Variants in SUSD1 observed in about 807,000 individuals in gnomAD.
SUSD1 encodes the protein sushi domain containing 1.
Under a neutral mutation model 86.9 loss-of-function variants are expected in SUSD1, and 65 were observed. The observed-to-expected ratio is 0.75, with a 90% CI of 0.61 to 0.92. The LOEUF (loss-of-function observed/expected upper bound fraction) is 0.92, where lower values mean the gene tolerates loss of function less well. Among genes scored for constraint, SUSD1 ranks in the 40% least tolerant of loss-of-function variants. The pLI, the probability that SUSD1 is intolerant of heterozygous loss-of-function variation, is 0.00. For missense variants in SUSD1, 850 were observed against 929.7 expected (o/e 0.91, Z 1.11); for synonymous variants, 346 against 350.0 (o/e 0.99, Z 0.13).
chr9:112,049,639 G>A (rs956543769), intron 15 of SUSD1, among the ~76,000 whole-genome samples: 1 of 152,196 alleles, frequency 6.6e-6, no homozygotes, highest in Non-Finnish European at 1.5e-5. Flanking sequence ...CACGATTTCA[G>A]GACTAATTTA....
chr9:112,168,315 G>A (rs566924851), intron 1 of SUSD1, among the ~76,000 whole-genome samples: 6 of 152,302 alleles, frequency 3.9e-5, no homozygotes, highest in African/African-American at 1.4e-4. Context: ...GCATTCAGGT[G>A]TCTACCCATT....
chr9:112,138,666 T>A (rs1224662756), intron 5 of SUSD1, among the ~76,000 whole-genome samples: 1 of 152,108 alleles, frequency 6.6e-6, no homozygotes, highest in Admixed American at 6.6e-5. Context: ...GCTAGGCTGG[T>A]CTCGAACTCC....
intron 10 of SUSD1, among the ~76,000 whole-genome samples, chr9:112,085,551 C>T (rs1329654034): frequency 6.6e-6 from 1 of 152,172 alleles, no homozygotes; most frequent in African/African-American, 2.4e-5. Flanking sequence ...CATCTGACTC[C>T]AGAGGAACTG....
rs1208497274 is a variant in SUSD1, at chr9:112,143,557, C to T, written c.440G>A (p.Ser147Asn). The change falls in exon 4 of 17, where the codon AGC (serine) becomes AAC (asparagine). Residue 147 changes from serine (S) to asparagine (N), a missense_variant. Physicochemically the swap from Ser to Asn is conservative, Grantham distance 46. Coordinates refer to ENST00000374270, the MANE Select transcript of SUSD1 (RefSeq NM_022486.5). ...HGGRCVNTHG[S>N]FECYCMDGYL... Reference sequence around the variant, plus strand: ...TCCATCCATACAGTAGCATTCAAAGCTCCCATGAGTGTTCACGCATCGCCC... The same window carrying T: ...TCCATCCATACAGTAGCATTCAAAGTTCCCATGAGTGTTCACGCATCGCCC... The T allele has an allele frequency of 1.2e-6, 2 of 1,614,140 alleles. No homozygotes were observed. The highest frequency in any genetic ancestry group is 1.7e-5 in the Admixed American group (1 of 60,020).
In SUSD1 at chr9:112,098,555, A is replaced by G. The variant is rs766090525; in HGVS notation, c.1389T>C (p.Pro463=). The change falls in exon 10 of 17, where the codon CCT becomes CCC. Residue 463 remains proline, a synonymous_variant. Transcript: ENST00000374270. ...QVPVVCLDLY[P]TTDYTVNVTL... The stretch of plus-strand genomic sequence containing the variant: ...TCACATTCACCGTATAATCAGTCGT[A>G]GGGTACAGATCCAAACACACTACAG... 1.9e-6 allele frequency: 3 copies of G among 1,614,092 alleles called. No homozygotes were observed. The African/African-American group carries it at 4.0e-5, about 22-fold the overall frequency.
chr9:112,133,056 T>TA (rs1832098199), intron 5 of SUSD1, among the ~76,000 whole-genome samples: 1 of 152,208 alleles, frequency 6.6e-6, no homozygotes, highest in Non-Finnish European at 1.5e-5. Flanking sequence ...GGCATGAGGA[T>TA]CACTTGAGCC....
rs140281162 is a variant in SUSD1, at chr9:112,165,853, AGAAG to A, written c.104-8244_104-8241del. Among the ~76,000 whole-genome samples the A allele has an allele frequency of 3.6e-3, 524 of 144,478 alleles. 4 individuals carry two copies. Among genetic ancestry groups the A allele is most frequent in the African/African-American group, 8.7e-3 (329 of 37,828 alleles). 94.8% of individuals were successfully genotyped at this position (144,478 alleles called of 152,430 possible). On this transcript the variant is annotated intron_variant, in intron 1 of 16. Coordinates refer to ENST00000374270, the MANE Select transcript of SUSD1 (RefSeq NM_022486.5). Reference sequence around the variant, plus strand: ...GAAAGAGAAAGAAAGAAAGAGAAAGAGAAGGAAGGAAGGAAGGAAGAAAGAGAAA... The same window carrying A: ...GAAAGAGAAAGAAAGAAAGAGAAAGAGAAGGAAGGAAGGAAGAAAGAGAAA...
rs752655085 is a variant in SUSD1 at position 112,124,381 on chromosome 9, G to A, written c.762C>T (p.His254=). Residue 254 remains histidine (H), a synonymous_variant, in exon 6 of 17, where the codon CAC becomes CAT. Transcript: ENST00000374270. The stretch of plus-strand genomic sequence containing the variant: ...GAGCCACACCGCCCAGCCTGGAGCT[G>A]TGATTTCCTACCAAGATGGCGTGCC... The part of the protein sequence containing the change: ...EMRHAILVGN[H]SSRLGGVARY... The A allele has an allele frequency of 2.5e-6, 4 of 1,614,182 alleles. No homozygotes were observed. The highest frequency in any genetic ancestry group is 2.2e-5 in the East Asian group (1 of 44,886).
At chr9:112,096,603 A>G (rs915974925) in intron 10 of SUSD1, among the ~76,000 whole-genome samples, 1 of 152,140 alleles carries the variant, frequency 6.6e-6, no homozygotes, top group African/African-American at 2.4e-5. Flanking sequence ...GCAGTGGCGC[A>G]ATCTCGGCTC....
At chr9:112,173,632 G>T in intron 1 of SUSD1, 1 of 452,564 alleles carries the variant, frequency 2.2e-6, no homozygotes, top group South Asian at 1.7e-5. Flanking sequence ...GTCTTTGGCT[G>T]GCACAGCCTG....
chr9:112,146,823 A>G (rs529097960), intron 3 of SUSD1, among the ~76,000 whole-genome samples: 10 of 152,212 alleles, frequency 6.6e-5, no homozygotes, highest in Admixed American at 2.6e-4. Context: ...TTTTGTAAAG[A>G]TGAAGTCTCA....
intron 8 of SUSD1, chr9:112,103,278 C>A: frequency 3.0e-6 from 1 of 334,096 alleles, no homozygotes; most frequent in Non-Finnish European, 5.9e-6. Context: ...AATATTCCTG[C>A]CTATAATTGG....
At chr9:112,146,650 A>C (rs966035685) in intron 3 of SUSD1, among the ~76,000 whole-genome samples, 16 of 151,546 alleles carry the variant, frequency 1.1e-4, no homozygotes, top group African/African-American at 3.9e-4. Flanking sequence ...AAAAAAAAAA[A>C]ATTAAGACAA....
intron 12 of SUSD1, among the ~76,000 whole-genome samples, chr9:112,067,663 C>G (rs1278071825): frequency 1.3e-5 from 2 of 152,228 alleles, no homozygotes; most frequent in African/African-American, 4.8e-5. Flanking sequence ...GCAGGAAGAA[C>G]TGCCTTAAGA....
intron 12 of SUSD1, among the ~76,000 whole-genome samples, chr9:112,077,966 T>A (rs1829591110): frequency 6.6e-6 from 1 of 152,162 alleles, no homozygotes; most frequent in South Asian, 2.1e-4. Flanking sequence ...CCACATTTCA[T>A]CAATGCTGAC....
chr9:112,165,977 G>GAAAGAAAGAAAGAAAGAAAT (rs1833807683), intron 1 of SUSD1, among the ~76,000 whole-genome samples: 1 of 151,326 alleles, frequency 6.6e-6, no homozygotes, highest in Non-Finnish European at 1.5e-5. Context: ...AAGAAAGAAA[G>GAAAGAAAGAAAGAAAGAAAT]AAAGAAAGAA....
At chr9:112,059,626 T>C (rs1051534918) in intron 13 of SUSD1, among the ~76,000 whole-genome samples, 7 of 152,236 alleles carry the variant, frequency 4.6e-5, no homozygotes, top group African/African-American at 1.4e-4. Flanking sequence ...TAATATGTCA[T>C]GTATGCACTG....
chr9:112,043,967 G>C (rs781003248), intron 15 of SUSD1, among the ~76,000 whole-genome samples: 12 of 151,788 alleles, frequency 7.9e-5, no homozygotes, highest in Admixed American at 7.2e-4. Flanking sequence ...CGCCCGGCTA[G>C]TTTTTGTATT....
intron 3 of SUSD1, among the ~76,000 whole-genome samples, chr9:112,148,228 G>C (rs1832890011): frequency 6.6e-6 from 1 of 152,080 alleles, no homozygotes; most frequent in African/African-American, 2.4e-5. Flanking sequence ...CTTCATTATT[G>C]TTCAAAGATT....
Sources: gnomAD v4.1 joint callset for allele counts (sites outside exome capture counted in the v4.1 genomes callset) on GRCh38, gnomAD v4.1.1 for gene constraint, MANE v1.5 for transcripts, NCBI Gene and HGNC (gene_info 2026-07-23, HGNC 2026-07-21) for gene names.